The following CYFIP1 variants were observed in gnomAD, a reference collection of about 807,000 sequenced individuals.
CYFIP1 encodes cytoplasmic FMR1-interacting protein 1.
Under a neutral mutation model 163.5 loss-of-function variants are expected in CYFIP1, and 58 were observed. The observed-to-expected ratio is 0.35, with a 90% CI of 0.29 to 0.44. The LOEUF is 0.44. Ranked by LOEUF, CYFIP1 falls within the 20% of genes least tolerant of loss-of-function variation. The pLI is 1.00. For synonymous variants in CYFIP1, 663 were observed against 660.7 expected, an observed-to-expected ratio of 1.00 and a Z score of -0.05; for missense variants, 1,338 against 1,653.8, an observed-to-expected ratio of 0.81 and a Z score of 3.31.
chr15:22,942,135 C>T (rs2061908941), intron 6 of CYFIP1, among the ~76,000 whole-genome samples: 1 of 152,226 alleles, frequency 6.6e-6, no homozygotes, highest in Non-Finnish European at 1.5e-5. Flanking sequence ...AAATGGAACA[C>T]TGCATTATTT....
chr15:22,905,852 C>T (rs964498813), intron 21 of CYFIP1, among the ~76,000 whole-genome samples: 4 of 150,432 alleles, frequency 2.7e-5, no homozygotes, highest in East Asian at 2.0e-4. Flanking sequence ...CTCTGTCTCC[C>T]GGGTTCCTGC....
chr15:22,922,775 T>C (rs1405825592), intron 13 of CYFIP1, among the ~76,000 whole-genome samples: 2 of 152,198 alleles, frequency 1.3e-5, no homozygotes, highest in African/African-American at 4.8e-5. Context: ...GTAGATCACC[T>C]GAGGTGAGGG....
At position 22,942,646 on chromosome 15, in the gene CYFIP1, C is replaced by T. The variant is rs546746013; in HGVS notation, c.569+527G>A. Among the ~76,000 whole-genome samples the T allele has an allele frequency of 2.0e-5, 3 of 152,332 alleles. No homozygotes were observed. In the South Asian group the frequency reaches 6.2e-4, roughly 32 times the overall value. On this transcript the variant is annotated intron_variant, in intron 6 of 30. Coordinates refer to ENST00000617928, the MANE Select transcript of CYFIP1 (RefSeq NM_014608.6). ...AAGCTCTCTACATCCAGAAAGAAAA[C>T]CACCAGGGAGAGGATCTGGAAGCGC...
chr15:22,948,510 G>C (rs898199243), intron 1 of CYFIP1, among the ~76,000 whole-genome samples: 1 of 152,106 alleles, frequency 6.6e-6, no homozygotes, highest in Non-Finnish European at 1.5e-5. Context: ...ATTTTAACAA[G>C]ACCCAGATCT....
chr15:22,939,539 G>T (rs1555416166), intron 6 of CYFIP1, 32 bp from the exon 7 acceptor site: 48 of 656,924 alleles, frequency 7.3e-5, no homozygotes, highest in Non-Finnish European at 1.0e-4. Flanking sequence ...ATCCCAAAAT[G>T]CACCAACGTG....
rs1263987041 is a variant in CYFIP1, at chr15:22,867,502, C to A, written c.*2526G>T. ...GCCTTAGCACCTCATCAAGCCAGCA[C>A]ATCCTGCCTGCTGTTGCAGCCTGGC... On this transcript the variant is annotated 3_prime_UTR_variant, in exon 31 of 31. Transcript: ENST00000617928. 3.4e-6 allele frequency: 1 copy of A among 290,014 alleles called. No homozygotes were observed. The highest frequency in any genetic ancestry group is 5.1e-5 in the Admixed American group (1 of 19,520). 18.0% of individuals were successfully genotyped at this position (290,014 alleles called of 1,614,324 possible). A position where few individuals can be genotyped will look rare whatever the true frequency, so the allele number is the denominator to read the frequency against.
chr15:22,947,717 T>C (rs758233521), intron 1 of CYFIP1, among the ~76,000 whole-genome samples: 1 of 152,084 alleles, frequency 6.6e-6, no homozygotes, highest in South Asian at 2.1e-4. Flanking sequence ...TGCAGCCACC[T>C]CCCAGGTGGT....
chr15:22,917,072 T>C lies in CYFIP1; in HGVS notation c.1675-442A>G, dbSNP rs1304931088. 6.7e-7 allele frequency: 1 copy of C among 1,491,964 alleles called. No homozygotes were observed. The allele number at this position is 1,491,964 out of a possible 1,614,324, so 92.4% of individuals were successfully genotyped here. ...GGAGGGAGAGGCAGGAGAGAGACGT[T>C]AGTCACTCGACACACACACCCCAGG... On this transcript the variant is annotated intron_variant, in intron 15 of 30. Coordinates refer to ENST00000617928, the MANE Select transcript of CYFIP1 (RefSeq NM_014608.6). This position sits in a 1 kb window ranked among gnomAD's most constrained non-coding sequence, Gnocchi z 4.2.
intron 1 of CYFIP1, 29 bp from the exon 2 acceptor site, chr15:22,947,320 T>A: frequency 6.2e-7 from 1 of 1,602,970 alleles, no homozygotes; most frequent in Non-Finnish European, 8.5e-7. Context: ...ACCCCTGTTC[T>A]GTGAGGAGAA....
intron 3 of CYFIP1, among the ~76,000 whole-genome samples, 162 bp from the exon 4 acceptor site, chr15:22,945,101 GC>G (rs1029000130): frequency 5.6e-4 from 86 of 152,282 alleles, no homozygotes; most frequent in Non-Finnish European, 1.1e-3. Flanking sequence ...GAGGTGCGGC[GC>G]TGGGGGCCAC....
chr15:22,870,234 A>G (rs1216068710), intron 30 of CYFIP1, 42 bp from the exon 31 acceptor site: 1 of 1,545,674 alleles, frequency 6.5e-7, no homozygotes, highest in Non-Finnish European at 8.7e-7. Context: ...TTAACACTTC[A>G]ACATTTATTC....
At chr15:22,872,298 A>G (rs1212832784) in intron 30 of CYFIP1, among the ~76,000 whole-genome samples, 1 of 149,090 alleles carries the variant, frequency 6.7e-6, no homozygotes, top group Non-Finnish European at 1.5e-5. Context: ...TGTCTCAAAA[A>G]AAAAAAAAAA....
At position 22,954,401 on chromosome 15, in the gene CYFIP1, G is replaced by A. The variant is rs79006725; in HGVS notation, c.-6-7110C>T. Among the ~76,000 whole-genome samples the A allele has an allele frequency of 6.9e-3, 1,050 of 152,322 alleles. 18 individuals are homozygous for A. Among genetic ancestry groups the A allele is most frequent in the African/African-American group, 0.023 (964 of 41,554 alleles). On this transcript the variant is annotated intron_variant, in intron 1 of 30. Coordinates refer to ENST00000617928, the MANE Select transcript of CYFIP1 (RefSeq NM_014608.6). ...CCCAGGTGGGACGCAGATTCCCTGC[G>A]CTGTCTGCCAGGTAAGAACCCACAC...
chr15:22,913,185 G>C (rs2060839690), intron 17 of CYFIP1, among the ~76,000 whole-genome samples: 1 of 150,956 alleles, frequency 6.6e-6, no homozygotes, highest in Non-Finnish European at 1.5e-5. Flanking sequence ...AATAGAGCAA[G>C]ACCTTGTCTC....
At chr15:22,938,525 A>G (rs1275612682) in intron 8 of CYFIP1, among the ~76,000 whole-genome samples, 1 of 152,052 alleles carries the variant, frequency 6.6e-6, no homozygotes, top group Non-Finnish European at 1.5e-5. Flanking sequence ...AGATCACTTG[A>G]GCCAAGGAGG....
At chr15:22,909,001 A>G (rs8037499) in intron 21 of CYFIP1, among the ~76,000 whole-genome samples, 193 bp downstream of exon 21, 1,598 of 119,396 alleles carry the variant, frequency 0.013, 63 homozygotes, top group African/African-American at 0.05. Context: ...GCCACGCCCG[A>G]TGAGTGCATC....
intron 1 of CYFIP1, among the ~76,000 whole-genome samples, chr15:22,951,828 G>A (rs2062259066): frequency 6.6e-6 from 1 of 152,204 alleles, no homozygotes; most frequent in Non-Finnish European, 1.5e-5. Context: ...GCTCGGGGGA[G>A]AACTGCTCGT....
rs2060702402 is a variant in CYFIP1 at position 22,909,331 on chromosome 15, G to A, written c.2269-18C>T. 2 of 1,613,608 alleles carry A rather than the reference G, an allele frequency of 1.2e-6. No homozygotes were observed. The highest frequency in any genetic ancestry group is 1.7e-5 in the Admixed American group (1 of 59,988). On this transcript the variant is annotated intron_variant, in intron 20 of 30. Coordinates refer to ENST00000617928, the MANE Select transcript of CYFIP1 (RefSeq NM_014608.6). Reference sequence around the variant, plus strand: ...CCGAGGAGCTGGCGTACACAGGGAAGGATGGCAGGTAAAGAGTGGACATGA... The same window carrying A: ...CCGAGGAGCTGGCGTACACAGGGAAAGATGGCAGGTAAAGAGTGGACATGA...
Position 22,947,110 on chromosome 15 carries a change from A to G in CYFIP1, c.118-18T>C. The stretch of plus-strand genomic sequence containing the variant: ...AAATTTGGCTGAAGGAAAGGAAGAG[A>G]AAAACATCATGTGGGGTCGGAGCAC... On this transcript the variant is annotated intron_variant, in intron 2 of 30. Coordinates refer to ENST00000617928, the MANE Select transcript of CYFIP1 (RefSeq NM_014608.6). The G allele has an allele frequency of 6.2e-7, 1 of 1,614,122 alleles. No individual in the cohort carries two copies. Among genetic ancestry groups the G allele is most frequent in the Non-Finnish European group, 8.5e-7 (1 of 1,179,966 alleles).
Sources: gnomAD v4.1 joint callset for allele counts (sites outside exome capture counted in the v4.1 genomes callset) on GRCh38, gnomAD v4.1.1 for gene constraint, Gnocchi (gnomAD v3.1) non-coding constraint, MANE v1.5 for transcripts, NCBI Gene and HGNC (gene_info 2026-07-23, HGNC 2026-07-21) for gene names.